Variants in LUZP2 observed in about 807,000 individuals in gnomAD.
LUZP2 encodes the protein leucine zipper protein 2.
LUZP2 carries 52 observed loss-of-function variants against 51.6 expected under a neutral mutation model. The observed-to-expected ratio is 1.01, with a 90% confidence interval of 0.81 to 1.27. The LOEUF (loss-of-function observed/expected upper bound fraction) is 1.27, where lower values mean the gene tolerates loss of function less well. Among genes scored for constraint, LUZP2 ranks in the 50% most tolerant of loss-of-function variants. The pLI is 0.00. For missense variants in LUZP2, 436 were observed against 395.4 expected, an observed-to-expected ratio of 1.10 and a Z score of -0.87; for synonymous variants, 154 against 137.3, an observed-to-expected ratio of 1.12 and a Z score of -0.85.
intron 5 of LUZP2, among the ~76,000 whole-genome samples, chr11:24,820,167 T>C (rs1850315293): frequency 6.6e-6 from 1 of 152,162 alleles, no homozygotes; most frequent in Non-Finnish European, 1.5e-5. Flanking sequence ...GGTGAACGCA[T>C]ACAGTGACAA....
At chr11:24,514,182 C>G (rs11027962) in intron 1 of LUZP2, among the ~76,000 whole-genome samples, 5,906 of 152,190 alleles carry the variant, frequency 0.039, 272 homozygotes, top group African/African-American at 0.11. Context: ...GAGAAATCCT[C>G]CACTGAATGC....
At chr11:25,018,660 T>G (rs951407150) in intron 9 of LUZP2, among the ~76,000 whole-genome samples, 4 of 145,618 alleles carry the variant, frequency 2.7e-5, no homozygotes, top group African/African-American at 7.6e-5. Flanking sequence ...CAGGCTGGAG[T>G]GCAGGACCAT....
chr11:24,669,919 A>T (rs989381631), intron 1 of LUZP2, among the ~76,000 whole-genome samples: 11 of 152,058 alleles, frequency 7.2e-5, no homozygotes, highest in African/African-American at 2.7e-4. Flanking sequence ...TGAACATGTC[A>T]CTTCAAATAG....
intron 5 of LUZP2, among the ~76,000 whole-genome samples, chr11:24,774,304 T>A (rs1354601516): frequency 1.9e-4 from 28 of 146,248 alleles, no homozygotes; most frequent in Admixed American, 1.7e-3. Flanking sequence ...TGTGATTGTG[T>A]GAGTTAATGA....
At chr11:24,732,240 T>G (rs778464375) in intron 3 of LUZP2, 52 bp downstream of exon 3, 2 of 1,310,484 alleles carry the variant, frequency 1.5e-6, no homozygotes, top group Non-Finnish European at 2.1e-6. Flanking sequence ...TCAAGCAACA[T>G]TCAGAAACTT....
chr11:24,845,045 G>A (rs904393242), intron 5 of LUZP2, among the ~76,000 whole-genome samples: 6 of 152,158 alleles, frequency 3.9e-5, no homozygotes, highest in East Asian at 1.9e-4. Flanking sequence ...AGCTGTGAGA[G>A]GAGGGCCACC....
chr11:24,987,922 A>C (rs112236292), intron 9 of LUZP2, among the ~76,000 whole-genome samples: 14 of 151,948 alleles, frequency 9.2e-5, no homozygotes, highest in African/African-American at 3.1e-4. Flanking sequence ...GGGTGTCAAT[A>C]CTCCTGATTC....
chr11:24,708,852 A>C (rs1431139948), intron 1 of LUZP2, among the ~76,000 whole-genome samples: 1 of 152,198 alleles, frequency 6.6e-6, no homozygotes, highest in African/African-American at 2.4e-5. Context: ...CAGAGAATTA[A>C]AATTAAAAAC....
At chr11:24,877,719 A>G (rs553059200) in intron 5 of LUZP2, among the ~76,000 whole-genome samples, 57 of 152,266 alleles carry the variant, frequency 3.7e-4, no homozygotes, top group African/African-American at 1.3e-3. Context: ...GTACTCATTA[A>G]CCATCCCCAC....
At chr11:24,985,538 G>A (rs1452008129) in intron 9 of LUZP2, among the ~76,000 whole-genome samples, 1 of 151,752 alleles carries the variant, frequency 6.6e-6, no homozygotes, top group Non-Finnish European at 1.5e-5. Flanking sequence ...CTATGTAGGA[G>A]AGGATGGTGA....
chr11:24,778,388 C>T (rs1347679411), intron 5 of LUZP2, among the ~76,000 whole-genome samples: 1 of 150,150 alleles, frequency 6.7e-6, no homozygotes, highest in African/African-American at 2.5e-5. Context: ...GCATTCCAGC[C>T]TAGGCAACAG....
At chr11:24,819,784 A>G (rs952913862) in intron 5 of LUZP2, among the ~76,000 whole-genome samples, 6 of 152,068 alleles carry the variant, frequency 3.9e-5, no homozygotes, top group African/African-American at 7.2e-5. Context: ...TTAGGAAGCA[A>G]TAGTATACAT....
intron 5 of LUZP2, among the ~76,000 whole-genome samples, chr11:24,843,282 G>A (rs552911638): frequency 1.8e-4 from 27 of 151,940 alleles, no homozygotes; most frequent in African/African-American, 4.1e-4. Context: ...GATTTTAGAC[G>A]TATGTTTTAC....
At chr11:24,854,904 C>T (rs1038405906) in intron 5 of LUZP2, among the ~76,000 whole-genome samples, 5 of 152,148 alleles carry the variant, frequency 3.3e-5, no homozygotes, top group Non-Finnish European at 7.3e-5. Context: ...ACCCCTTTCA[C>T]TTCCCAGGTG....
At chr11:25,059,506 A>G (rs1858774778) in intron 10 of LUZP2, among the ~76,000 whole-genome samples, 1 of 152,188 alleles carries the variant, frequency 6.6e-6, no homozygotes, top group South Asian at 2.1e-4. Flanking sequence ...AATAATTTCC[A>G]AATGGGATAT....
At position 25,081,690 on chromosome 11, in the gene LUZP2, AAC is replaced by A. The variant is rs1478986602; in HGVS notation, c.*3035_*3036del. On this transcript the variant is annotated 3_prime_UTR_variant, in exon 12 of 12. Transcript: ENST00000336930. ...AAACAGACGTTGTTTTAAAGGAATT[AAC>A]ACTTAAATCCCAACCATCCTCATAT... is the stretch of plus-strand genomic sequence containing the variant. 2.0e-5 allele frequency: 3 copies of A among 152,196 alleles called. No individual in the cohort carries two copies. Among genetic ancestry groups the A allele is most frequent in the African/African-American group, 7.2e-5 (3 of 41,450 alleles). The allele number at this position is 152,196 out of a possible 1,614,324, so 9.4% of individuals were successfully genotyped here. A position where few individuals can be genotyped will look rare whatever the true frequency, so the allele number is the denominator to read the frequency against.
At chr11:24,986,584 A>T (rs1041778409) in intron 9 of LUZP2, among the ~76,000 whole-genome samples, 1 of 149,452 alleles carries the variant, frequency 6.7e-6, no homozygotes, top group South Asian at 2.1e-4. Context: ...TTAAGATAGG[A>T]TTACTTGGCA....
At chr11:24,932,455 C>T (rs1371324202) in intron 7 of LUZP2, among the ~76,000 whole-genome samples, 1 of 152,078 alleles carries the variant, frequency 6.6e-6, no homozygotes. Flanking sequence ...AGCTGTGGCT[C>T]TTCTTGGGTG....
intron 1 of LUZP2, among the ~76,000 whole-genome samples, chr11:24,567,099 C>T (rs1191229318): frequency 6.7e-6 from 1 of 149,410 alleles, no homozygotes; most frequent in East Asian, 2.0e-4. Flanking sequence ...CCTCGGTCTC[C>T]CAAAGTGCTG....
Sources: gnomAD v4.1 joint callset for allele counts (sites outside exome capture counted in the v4.1 genomes callset) on GRCh38, gnomAD v4.1.1 for gene constraint, MANE v1.5 for transcripts, NCBI Gene and HGNC (gene_info 2026-07-23, HGNC 2026-07-21) for gene names.